Variants in ARHGAP25 observed in about 807,000 individuals in gnomAD.
The protein encoded by ARHGAP25 is Rho GTPase activating protein 25, also known as rho GTPase-activating protein 25.
In ARHGAP25, 34 loss-of-function variants were observed where a neutral mutation model predicts 71.0. The observed-to-expected ratio is 0.48, with a 90% confidence interval of 0.36 to 0.64. ARHGAP25 has a LOEUF of 0.64. ARHGAP25 is among the 30% of genes least tolerant of loss of function. The pLI, the probability that ARHGAP25 is intolerant of heterozygous loss-of-function variation, is 0.00. For missense variants in ARHGAP25, 706 were observed against 805.1 expected (o/e 0.88, Z 1.49); for synonymous variants, 282 against 296.5 (o/e 0.95, Z 0.50).
intron 5 of ARHGAP25, among the ~76,000 whole-genome samples, chr2:68,811,257 G>C (rs1247472683): frequency 6.6e-6 from 1 of 152,220 alleles, no homozygotes. Context: ...TTGGAAGACT[G>C]ATTGGATGGG....
chr2:68,745,619 C>G (rs1675769644), intron 1 of ARHGAP25, among the ~76,000 whole-genome samples: 1 of 152,202 alleles, frequency 6.6e-6, no homozygotes, highest in Non-Finnish European at 1.5e-5. Context: ...CCCTGAGCTG[C>G]CTGGATTCAC....
intron 1 of ARHGAP25, among the ~76,000 whole-genome samples, chr2:68,757,092 A>G (rs1264476649): frequency 6.6e-6 from 1 of 152,210 alleles, no homozygotes; most frequent in East Asian, 1.9e-4. Context: ...ACAAACTTGT[A>G]GATAAGACAG....
At chr2:68,749,734 G>T (rs1170088933) in intron 1 of ARHGAP25, among the ~76,000 whole-genome samples, 2 of 152,164 alleles carry the variant, frequency 1.3e-5, no homozygotes, top group East Asian at 3.8e-4. Context: ...CCACTCCAGA[G>T]ACATGGATTT....
Position 68,822,767 on chromosome 2 carries a change from A to C in ARHGAP25, c.1628A>C (p.Lys543Thr). 1.9e-6 allele frequency: 3 copies of C among 1,614,252 alleles called. No individual in the cohort carries two copies. Among genetic ancestry groups the C allele is most frequent in the Non-Finnish European group, 2.5e-6 (3 of 1,180,052 alleles). Residue 543 changes from lysine (K) to threonine (T), a missense_variant, in exon 10 of 11, where the codon AAA becomes ACA. Coordinates refer to ENST00000409202, the MANE Select transcript of ARHGAP25 (RefSeq NM_001007231.3). ...ASPNSETGPG[K>T]KNSGEEEIDS... The stretch of plus-strand genomic sequence containing the variant: ...CCAAACTCTGAAACTGGGCCTGGAA[A>C]AAAGAACTCTGGAGAAGAGGAAATT...
At position 68,754,069 on chromosome 2, in the gene ARHGAP25, AT is replaced by A. The variant is rs745960861; in HGVS notation, c.61+18816del. ...AGGCGCCCGCCACCATGCCCAGCTAATTTTTTTGTATTTTTAGTAGAGACGG... is the reference window on the plus strand; with the variant it reads ...AGGCGCCCGCCACCATGCCCAGCTAATTTTTTGTATTTTTAGTAGAGACGG... On this transcript the variant is annotated intron_variant, in intron 1 of 10. Coordinates refer to ENST00000409202, the MANE Select transcript of ARHGAP25 (RefSeq NM_001007231.3). Among the ~76,000 whole-genome samples the A allele has an allele frequency of 4.3e-4, 65 of 151,956 alleles. No individual in the cohort carries two copies. In the Middle Eastern group the frequency reaches 0.01, roughly 24 times the overall value.
chr2:68,714,644 C>G (rs1339467836), intron 2 of ARHGAP25, among the ~76,000 whole-genome samples: 1 of 152,204 alleles, frequency 6.6e-6, no homozygotes, highest in Admixed American at 6.5e-5. Context: ...TCCCTCTAAA[C>G]ACTACTTTAT....
At chr2:68,823,202 G>A (rs1038094198) in intron 10 of ARHGAP25, among the ~76,000 whole-genome samples, 1 of 152,178 alleles carries the variant, frequency 6.6e-6, no homozygotes, top group Non-Finnish European at 1.5e-5. Flanking sequence ...CATTGATTCT[G>A]CAAATATTCC....
rs1682108179 is a variant in ARHGAP25 at position 68,826,073 on chromosome 2, T to G, written c.1820T>G (p.Leu607Arg). 1.9e-6 allele frequency: 3 copies of G among 1,613,906 alleles called. No individual in the cohort carries two copies. Among genetic ancestry groups the G allele is most frequent in the Non-Finnish European group, 2.5e-6 (3 of 1,179,988 alleles). ...LEKEKKKSAA[L>R]EISLRNMERS... ...AAGGAAAAGAAGAAGTCTGCAGCCC[T>G]AGAGATCAGCCTCCGCAACATGGAG... The change falls in exon 11 of 11, where the codon CTA (leucine) becomes CGA (arginine). Residue 607 changes from leucine to arginine, a missense_variant. Leu to Arg is a moderately radical substitution (Grantham distance 102, BLOSUM62 -2). Coordinates refer to ENST00000409202, the MANE Select transcript of ARHGAP25 (RefSeq NM_001007231.3).
In ARHGAP25 at chr2:68,775,287, C is replaced by T. The variant is rs571797317; in HGVS notation, c.128C>T (p.Pro43Leu). The change falls in exon 2 of 11, where the codon CCG (proline) becomes CTG (leucine). Residue 43 changes from proline to leucine, a missense_variant. Coordinates refer to ENST00000409202, the MANE Select transcript of ARHGAP25 (RefSeq NM_001007231.3). ...AAFHPSSTPN[P>L]LERPIKMGWL... ...TTCCATCCATCGTCCACCCCCAACC[C>T]GCTGGAGAGGCCCATCAAGATGGGC... 2.4e-5 allele frequency: 39 copies of T among 1,614,250 alleles called. No individual in the cohort carries two copies. The highest frequency in any genetic ancestry group is 2.9e-5 in the Non-Finnish European group (34 of 1,180,038).
chr2:68,775,556 C>A (rs1414554006), intron 2 of ARHGAP25, 136 bp downstream of exon 2: 1 of 1,328,940 alleles, frequency 7.5e-7, no homozygotes. Flanking sequence ...TTGCTTTTCC[C>A]TTTACACCAT....
At chr2:68,807,932 A>G (rs1376618229) in intron 5 of ARHGAP25, among the ~76,000 whole-genome samples, 1 of 152,200 alleles carries the variant, frequency 6.6e-6, no homozygotes, top group African/African-American at 2.4e-5. Flanking sequence ...GGCTAGAACC[A>G]GGACTTCTTG....
intron 2 of ARHGAP25, among the ~76,000 whole-genome samples, chr2:68,712,367 T>C (rs4854444): frequency 0.24 from 35,757 of 152,008 alleles, 4,462 homozygotes; most frequent in East Asian, 0.37. Context: ...GGTTTCTTTC[T>C]TTGTAAATTT....
At chr2:68,788,833 C>T (rs938634314) in intron 4 of ARHGAP25, among the ~76,000 whole-genome samples, 2 of 152,020 alleles carry the variant, frequency 1.3e-5, no homozygotes, top group African/African-American at 2.4e-5. Flanking sequence ...GGGAGGCTTT[C>T]GTAGTTTGAA....
At position 68,775,359 on chromosome 2, in the gene ARHGAP25, A is replaced by G; in HGVS notation, c.200A>G (p.Tyr67Cys). Reference sequence around the variant, plus strand: ...ATCGTGAAGAACTGGCAGCAGAGGTACTTTGTGCTGAGGGCGCAGCAGCTC... The same window carrying G: ...ATCGTGAAGAACTGGCAGCAGAGGTGCTTTGTGCTGAGGGCGCAGCAGCTC... ...RSIVKNWQQRYFVLRAQQLYY... is the reference protein window; with the variant it reads ...RSIVKNWQQRCFVLRAQQLYY... The change falls in exon 2 of 11, where the codon TAC (tyrosine) becomes TGC (cysteine). Residue 67 changes from tyrosine (Y) to cysteine (C), a missense_variant. By Grantham distance (194) the Tyr-to-Cys change is radical (BLOSUM62 -2). Transcript: ENST00000409202. 2 of 1,614,214 alleles carry G rather than the reference A, an allele frequency of 1.2e-6. No homozygotes were observed. Among genetic ancestry groups the G allele is most frequent in the South Asian group, 1.1e-5 (1 of 91,084 alleles).
intron 8 of ARHGAP25, among the ~76,000 whole-genome samples, chr2:68,818,528 A>G (rs963820450): frequency 6.6e-6 from 1 of 152,180 alleles, no homozygotes; most frequent in African/African-American, 2.4e-5. Context: ...GGGTTTTACC[A>G]TGTTGGCCAG....
intron 1 of ARHGAP25, among the ~76,000 whole-genome samples, chr2:68,754,634 A>G (rs567792432): frequency 6.6e-6 from 1 of 152,238 alleles, no homozygotes; most frequent in Non-Finnish European, 1.5e-5. Context: ...ATAGGTATAT[A>G]TTTAACTTTA....
chr2:68,775,671 G>A, intron 2 of ARHGAP25: 1 of 644,222 alleles, frequency 1.6e-6, no homozygotes, highest in Non-Finnish European at 2.8e-6. Flanking sequence ...AGTCAAGACT[G>A]GCAACAGGGC....
intron 4 of ARHGAP25, among the ~76,000 whole-genome samples, chr2:68,801,124 A>T (rs1428432029): frequency 6.6e-6 from 1 of 151,906 alleles, no homozygotes; most frequent in Non-Finnish European, 1.5e-5. Flanking sequence ...AAAAACAAAG[A>T]TGATTTTTCT....
chr2:68,780,314 G>A (rs1678232324), intron 2 of ARHGAP25, among the ~76,000 whole-genome samples: 1 of 152,160 alleles, frequency 6.6e-6, no homozygotes. Flanking sequence ...GGTACTTAGG[G>A]GAGGCAGACA....
Sources: allele counts gnomAD v4.1 joint callset (sites outside exome capture counted in the v4.1 genomes callset), GRCh38; gene constraint gnomAD v4.1.1; transcripts MANE v1.5; gene names NCBI Gene and HGNC (gene_info 2026-07-23, HGNC 2026-07-21).